RABEP2: variants seen among roughly 807,000 people sequenced by gnomAD.
The protein encoded by RABEP2 is rab GTPase-binding effector protein 2.
A neutral mutation model predicts 74.1 loss-of-function variants in RABEP2; 57 were observed. The ratio of observed to expected loss-of-function variants is 0.77; its 90% confidence interval spans 0.62 to 0.96. RABEP2 has a LOEUF of 0.96. Among genes scored for constraint, RABEP2 ranks in the 40% least tolerant of loss-of-function variants. RABEP2 has a pLI of 0.00. For synonymous variants in RABEP2, 351 were observed against 344.0 expected, an observed-to-expected ratio of 1.02 and a Z score of -0.23; for missense variants, 692 against 756.3, an observed-to-expected ratio of 0.91 and a Z score of 1.00.
intron 8 of RABEP2, among the ~76,000 whole-genome samples, chr16:28,906,421 G>A (rs544013549): frequency 7.9e-4 from 120 of 152,348 alleles, no homozygotes; most frequent in Non-Finnish European, 1.3e-3. Flanking sequence ...CCACACCGTG[G>A]AGAGCGCTCA....
chr16:28,914,461 G>A lies in RABEP2; in HGVS notation c.669C>T (p.Ala223=). ...CGCTGTCATCGCAGTTGTGAGCGAA[G>A]GCCTCAGCGGCTGGACCCCCATCTC... ...LSGDGGPAAE[A]FAHNCDDSAS... is the part of the protein sequence containing the mutation. The change falls in exon 5 of 13, where the codon GCC becomes GCT. Residue 223 remains alanine (A), a synonymous_variant. Transcript: ENST00000358201. 6.2e-7 allele frequency: 1 copy of A among 1,613,476 alleles called. No homozygotes were observed. The highest frequency in any genetic ancestry group is 8.5e-7 in the Non-Finnish European group (1 of 1,179,896).
At chr16:28,922,898 A>G (rs1423126433) in intron 2 of RABEP2, among the ~76,000 whole-genome samples, 1 of 151,800 alleles carries the variant, frequency 6.6e-6, no homozygotes, top group Non-Finnish European at 1.5e-5. Flanking sequence ...TCTCAGAAAA[A>G]AAAAAAAATA....
intron 3 of RABEP2, among the ~76,000 whole-genome samples, chr16:28,918,774 C>T (rs931929356): frequency 6.6e-6 from 1 of 151,866 alleles, no homozygotes; most frequent in African/African-American, 2.4e-5. Flanking sequence ...ATGTCAGCCT[C>T]TTGAGTAGCT....
rs1177708387 is a variant in RABEP2, at chr16:28,908,663, G to C, written c.1191C>G (p.Pro397=). The change falls in exon 8 of 13, where the codon CCC becomes CCG. Residue 397 remains proline (P), a synonymous_variant. Transcript: ENST00000358201. ...LRAEQLPSSA[P]QGSQQEQGEE... The stretch of plus-strand genomic sequence containing the variant: ...CGCCCTGCTCCTGCTGCGAGCCCTG[G>C]GGGGCTGAGGATGGCAGCTGCTCGG... 1.4e-5 allele frequency: 22 copies of C among 1,614,154 alleles called. No homozygotes were observed. The highest frequency in any genetic ancestry group is 1.9e-5 in the Non-Finnish European group (22 of 1,180,026).
chr16:28,908,946 A>G (rs1245475934), intron 7 of RABEP2, among the ~76,000 whole-genome samples, 182 bp from the exon 8 acceptor site: 3 of 151,906 alleles, frequency 2.0e-5, no homozygotes, highest in Non-Finnish European at 4.4e-5. Flanking sequence ...TGTCCCTGCT[A>G]ACACGCAGAT....
rs1446527722 is a variant in RABEP2 at position 28,919,854 on chromosome 16, G to A, written c.364C>T (p.Leu122=). 1 of 1,612,092 alleles carries A rather than the reference G, an allele frequency of 6.2e-7. No individual in the cohort carries two copies. Among genetic ancestry groups the A allele is most frequent in the South Asian group, 1.1e-5 (1 of 90,936 alleles). The change falls in exon 3 of 13, where the codon CTG becomes TTG. Residue 122 remains leucine (L), a synonymous_variant. Transcript: ENST00000358201. ...QQDCEEKERE[L]GRLKQLLSRA... ...GACAGCAGCTGCTTCAGGCGGCCCA[G>A]CTCCCGCTCCTTCTCCTCACAGTCC... is the stretch of plus-strand genomic sequence containing the variant.
intron 5 of RABEP2, 65 bp from the exon 6 acceptor site, chr16:28,911,244 G>T (rs531663004): frequency 6.8e-7 from 1 of 1,478,070 alleles, no homozygotes; most frequent in Non-Finnish European, 9.2e-7. Flanking sequence ...CACACTTCTC[G>T]TGGCCCACCT....
chr16:28,918,998 T>C (rs1231434070), intron 3 of RABEP2, among the ~76,000 whole-genome samples: 1 of 152,056 alleles, frequency 6.6e-6, no homozygotes, highest in African/African-American at 2.4e-5. Flanking sequence ...TTTTAAAATC[T>C]CAACTCCACT....
rs769074403 is a variant in RABEP2, at chr16:28,914,591, G to A, written c.544-5C>T. ...AGGGGCATGCCGGGGACGTCTCTAG[G>A]GAAGGGGGCAGGGAAGAGGCTGGGG... On this transcript the variant is annotated splice_region_variant and splice_polypyrimidine_tract_variant and intron_variant, in intron 4 of 12. Coordinates refer to ENST00000358201, the MANE Select transcript of RABEP2 (RefSeq NM_024816.3). 3 of 1,609,624 alleles carry A rather than the reference G, an allele frequency of 1.9e-6. No individual in the cohort carries two copies. The highest frequency in any genetic ancestry group is 2.5e-6 in the Non-Finnish European group (3 of 1,177,770).
At chr16:28,922,750 C>T (rs1964483068) in intron 2 of RABEP2, among the ~76,000 whole-genome samples, 1 of 151,756 alleles carries the variant, frequency 6.6e-6, no homozygotes. Context: ...AAAAATTAGC[C>T]ACGTGTGGTG....
chr16:28,915,491 T>C (rs1964379196), intron 3 of RABEP2, among the ~76,000 whole-genome samples: 1 of 152,088 alleles, frequency 6.6e-6, no homozygotes, highest in Non-Finnish European at 1.5e-5. Flanking sequence ...GCTACTGAGA[T>C]GGAAACAGAT....
chr16:28,913,427 C>A (rs2152220647), intron 5 of RABEP2, among the ~76,000 whole-genome samples: 1 of 152,204 alleles, frequency 6.6e-6, no homozygotes, highest in South Asian at 2.1e-4. Flanking sequence ...GTTATAATTT[C>A]TTTACCACAT....
At position 28,910,868 on chromosome 16, in the gene RABEP2, T is replaced by C. The variant is rs983373085; in HGVS notation, c.1089+20A>G. 1 of 1,598,622 alleles carries C rather than the reference T, an allele frequency of 6.3e-7. No homozygotes were observed. The highest frequency in any genetic ancestry group is 8.5e-7 in the Non-Finnish European group (1 of 1,172,714). On this transcript the variant is annotated intron_variant, in intron 7 of 12. Coordinates refer to ENST00000358201, the MANE Select transcript of RABEP2 (RefSeq NM_024816.3). ...TGCTGGACTCCTCGCCCTCCTGCCC[T>C]AGGGCCCCCAGGTACTCACCATCTG...
At chr16:28,905,817 A>C in intron 10 of RABEP2, 50 bp downstream of exon 10, 1 of 1,613,758 alleles carries the variant, frequency 6.2e-7, no homozygotes, top group South Asian at 1.1e-5. Context: ...TTCCCCACCT[A>C]GCCCAGCCAG....
At chr16:28,916,714 A>G (rs887264299) in intron 3 of RABEP2, among the ~76,000 whole-genome samples, 6 of 149,484 alleles carry the variant, frequency 4.0e-5, no homozygotes, top group Non-Finnish European at 7.4e-5. Flanking sequence ...GGCCAAGTGC[A>G]GTGGCTCACG....
At chr16:28,912,753 C>T (rs747289655) in intron 5 of RABEP2, among the ~76,000 whole-genome samples, 8 of 152,074 alleles carry the variant, frequency 5.3e-5, no homozygotes, top group Admixed American at 1.3e-4. Flanking sequence ...GAGGCTTCTC[C>T]GTTGCTTAAC....
chr16:28,911,584 A>G (rs1309418517), intron 5 of RABEP2, among the ~76,000 whole-genome samples: 1 of 151,420 alleles, frequency 6.6e-6, no homozygotes, highest in Non-Finnish European at 1.5e-5. Context: ...GATTCACTTA[A>G]ACCCAGGAAG....
chr16:28,912,406 CTTTTT>C (rs58094012), intron 5 of RABEP2, among the ~76,000 whole-genome samples: 200 of 118,136 alleles, frequency 1.7e-3, no homozygotes, highest in East Asian at 7.0e-3. Context: ...TTCTTTCTTT[CTTTTT>C]TTTTTTTTTT....
At chr16:28,906,283 G>A in intron 8 of RABEP2, 87 bp from the exon 9 acceptor site, 1 of 1,437,120 alleles carries the variant, frequency 7.0e-7, no homozygotes, top group Non-Finnish European at 9.1e-7. Flanking sequence ...TTGTCGGGAG[G>A]AACGGGGAAG....
Sources: gnomAD v4.1 joint callset for allele counts (sites outside exome capture counted in the v4.1 genomes callset) on GRCh38, gnomAD v4.1.1 for gene constraint, MANE v1.5 for transcripts, NCBI Gene and HGNC (gene_info 2026-07-23, HGNC 2026-07-21) for gene names.